Variants in CLU observed in about 807,000 individuals in gnomAD.
CLU encodes the protein clusterin, also known as aging-associated protein 4.
CLU carries 25 observed loss-of-function variants against 46.4 expected under a neutral mutation model. The observed-to-expected ratio is 0.54, with a 90% CI of 0.39 to 0.75. CLU has a LOEUF of 0.75. Ranked by LOEUF, CLU falls within the 30% of genes least tolerant of loss-of-function variation. The probability of loss-of-function intolerance (pLI) is 0.00; values close to 1 mark genes in which losing one functional copy is unlikely to be tolerated. For synonymous variants in CLU, 235 were observed against 235.1 expected, an observed-to-expected ratio of 1.00 and a Z score of 0.00; for missense variants, 504 against 592.1, an observed-to-expected ratio of 0.85 and a Z score of 1.54.
chr8:27,600,541 GA>G (rs1800700950), intron 6 of CLU, among the ~76,000 whole-genome samples: 1 of 152,166 alleles, frequency 6.6e-6, no homozygotes, highest in Non-Finnish European at 1.5e-5. Context: ...CCTTGCTCTG[GA>G]AAAATACGCC....
In CLU at chr8:27,606,435, C is replaced by T. The variant is rs370131630; in HGVS notation, c.336G>A (p.Glu112=). The change falls in exon 4 of 9, where the codon GAG becomes GAA. Residue 112 remains glutamate, a synonymous_variant. Transcript: ENST00000316403. ...AGGTCTGTTTCAGGCAGGGCTTACACTCTTCCCAGAGGGCCATCATGGTCT... is the reference window on the plus strand; with the variant it reads ...AGGTCTGTTTCAGGCAGGGCTTACATTCTTCCCAGAGGGCCATCATGGTCT... ...CNETMMALWE[E]CKPCLKQTCM... is the part of the protein sequence containing the mutation. The T allele has an allele frequency of 1.2e-6, 2 of 1,614,264 alleles. No homozygotes were observed. Among genetic ancestry groups the T allele is most frequent in the Non-Finnish European group, 1.7e-6 (2 of 1,180,052 alleles).
rs184413408 is a variant in CLU, at chr8:27,608,919, G to C, written c.246+19C>G. ...AGTGGGATGGTCAAGGCAGGGAGGC[G>C]GTAGCGGCTCCTCCTGACCTCTTTC... On this transcript the variant is annotated intron_variant, in intron 3 of 8. Transcript: ENST00000316403. 1 of 1,613,904 alleles carries C rather than the reference G, an allele frequency of 6.2e-7. No individual in the cohort carries two copies. The highest frequency in any genetic ancestry group is 1.7e-5 in the Admixed American group (1 of 60,012).
At chr8:27,607,973 CA>C (rs1221881824) in intron 3 of CLU, among the ~76,000 whole-genome samples, 1 of 152,122 alleles carries the variant, frequency 6.6e-6, no homozygotes, top group Non-Finnish European at 1.5e-5. Flanking sequence ...ATTATAAAAC[CA>C]GAATTGTTGA....
chr8:27,610,366 C>T (rs1164701067), intron 2 of CLU, 109 bp downstream of exon 2: 10 of 904,596 alleles, frequency 1.1e-5, no homozygotes, highest in South Asian at 4.0e-5. Flanking sequence ...AAGATAAAAA[C>T]GGTCTGTAAC....
Position 27,597,587 on chromosome 8 carries a change from G to A in CLU, c.*654C>T, listed in dbSNP as rs775270772. 34 of 454,054 alleles carry A rather than the reference G, an allele frequency of 7.5e-5. No individual in the cohort carries two copies. The highest frequency in any genetic ancestry group is 3.7e-4 in the South Asian group (24 of 64,470). 28.1% of individuals were successfully genotyped at this position (454,054 alleles called of 1,614,324 possible). A position where few individuals can be genotyped will look rare whatever the true frequency, so the allele number is the denominator to read the frequency against. On this transcript the variant is annotated 3_prime_UTR_variant, in exon 9 of 9. Transcript: ENST00000316403. ...TCTGGGCACCAAATGTTTTCATAAC[G>A]AAAACATCAATTATGCATTATAATA...
intron 5 of CLU, 140 bp downstream of exon 5, chr8:27,604,784 T>A: frequency 9.3e-7 from 1 of 1,080,736 alleles, no homozygotes; most frequent in East Asian, 2.4e-5. Flanking sequence ...CAGCTCAGTT[T>A]TTTTCCTCTT....
rs1451480307 is a variant in CLU, at chr8:27,599,524, C to T, written c.1164+256G>A. 1 of 513,676 alleles carries T rather than the reference C, an allele frequency of 1.9e-6. No homozygotes were observed. Among genetic ancestry groups the T allele is most frequent in the African/African-American group, 1.9e-5 (1 of 52,164 alleles). The allele number at this position is 513,676 out of a possible 1,614,324, so 31.8% of individuals were successfully genotyped here. On this transcript the variant is annotated intron_variant, in intron 7 of 8. Coordinates refer to ENST00000316403, the MANE Select transcript of CLU (RefSeq NM_001831.4). This position sits in a 1 kb window ranked among gnomAD's most constrained non-coding sequence, Gnocchi z 4.0. ...AATACAGGCTTGGCAGCCAGGCAGT[C>T]AGGTTCAAATACCCGTCCAAGTCAT...
chr8:27,603,135 A>G (rs1258411680), intron 6 of CLU, among the ~76,000 whole-genome samples: 3 of 152,368 alleles, frequency 2.0e-5, no homozygotes, highest in South Asian at 2.1e-4. Flanking sequence ...CCTGGGCAAC[A>G]GAGTAAAAAT....
intron 1 of CLU, chr8:27,611,658 C>T (rs925778752): frequency 4.4e-6 from 2 of 457,834 alleles, no homozygotes; most frequent in Non-Finnish European, 8.8e-6. Flanking sequence ...AAATGGTTCA[C>T]ATCCAAAGCC....
At chr8:27,609,584 A>G (rs1800885476) in intron 2 of CLU, among the ~76,000 whole-genome samples, 1 of 152,242 alleles carries the variant, frequency 6.6e-6, no homozygotes, top group East Asian at 1.9e-4. Context: ...AAATGCAGCG[A>G]AACACTGTGT....
intron 3 of CLU, among the ~76,000 whole-genome samples, chr8:27,607,198 G>A (rs1800837384): frequency 6.6e-6 from 1 of 152,116 alleles, no homozygotes; most frequent in Admixed American, 6.6e-5. Context: ...ATTAGCTGGT[G>A]TGGTGGTGCA....
chr8:27,609,366 T>A (rs1260134799), intron 2 of CLU, among the ~76,000 whole-genome samples: 1 of 149,520 alleles, frequency 6.7e-6, no homozygotes, highest in East Asian at 2.0e-4. Flanking sequence ...CCCTGGAGAA[T>A]GAGCTGGGTG....
intron 6 of CLU, among the ~76,000 whole-genome samples, chr8:27,601,465 A>G (rs527700197): frequency 6.6e-6 from 1 of 152,240 alleles, no homozygotes; most frequent in Non-Finnish European, 1.5e-5. Context: ...CTGCCCGCCC[A>G]TGGCTGGTCA....
chr8:27,611,640 C>T, intron 1 of CLU: 1 of 457,878 alleles, frequency 2.2e-6, no homozygotes, highest in Non-Finnish European at 4.4e-6. Flanking sequence ...ATGGGGTTCC[C>T]CTTCCTGAAA....
intron 3 of CLU, chr8:27,608,519 C>T: frequency 3.1e-6 from 1 of 317,680 alleles, no homozygotes; most frequent in Non-Finnish European, 6.0e-6. Context: ...TGAAGTAGTC[C>T]AGAACTCTAG....
In CLU at chr8:27,610,467, C is replaced by A. The variant is rs9331893; in HGVS notation, c.97+8G>T. 1.2e-6 allele frequency: 2 copies of A among 1,610,732 alleles called. No homozygotes were observed. The highest frequency in any genetic ancestry group is 2.7e-5 in the African/African-American group (2 of 74,774). ...TGGCCAGAGGAACATCATGCTTGGT[C>A]TACTCACCCTGGAGCTCATTGTCTG... On this transcript the variant is annotated splice_region_variant and intron_variant, in intron 2 of 8. Transcript: ENST00000316403.
rs555257417 is a variant in CLU at position 27,610,431 on chromosome 8, T to G, written c.97+44A>C. On this transcript the variant is annotated intron_variant, in intron 2 of 8. Coordinates refer to ENST00000316403, the MANE Select transcript of CLU (RefSeq NM_001831.4). Reference sequence around the variant, plus strand: ...GAATTAGCTACCCTGCCCTCTGACCTCATCACCCTGTGGCCAGAGGAACAT... The same window carrying G: ...GAATTAGCTACCCTGCCCTCTGACCGCATCACCCTGTGGCCAGAGGAACAT... 9 of 1,497,722 alleles carry G rather than the reference T, an allele frequency of 6.0e-6. No homozygotes were observed. The South Asian group carries it at 1.0e-4, about 17-fold the overall frequency. 92.8% of individuals were successfully genotyped at this position (1,497,722 alleles called of 1,614,324 possible). A position where few individuals can be genotyped will look rare whatever the true frequency, so the allele number is the denominator to read the frequency against.
chr8:27,609,970 G>T (rs955136322), intron 2 of CLU, among the ~76,000 whole-genome samples: 1 of 152,100 alleles, frequency 6.6e-6, no homozygotes, highest in African/African-American at 2.4e-5. Flanking sequence ...TCAATAAAAT[G>T]GGGGGTGGGG....
rs114163210 is a variant in CLU, at chr8:27,597,146, T to C, written c.*1095A>G. 7.9e-5 allele frequency: 36 copies of C among 454,150 alleles called. No individual in the cohort carries two copies. Among genetic ancestry groups the C allele is most frequent in the African/African-American group, 6.6e-4 (33 of 50,138 alleles). 28.1% of individuals were successfully genotyped at this position (454,150 alleles called of 1,614,324 possible). The stretch of plus-strand genomic sequence containing the variant: ...AACTTCAAAGAGAGACAAGGGACAG[T>C]GACTTAAGAATATTCTAAGCTATAA... On this transcript the variant is annotated 3_prime_UTR_variant, in exon 9 of 9. Transcript: ENST00000316403.
Sources: gnomAD v4.1 joint callset for allele counts (sites outside exome capture counted in the v4.1 genomes callset) on GRCh38, gnomAD v4.1.1 for gene constraint, Gnocchi (gnomAD v3.1) non-coding constraint, MANE v1.5 for transcripts, NCBI Gene and HGNC (gene_info 2026-07-23, HGNC 2026-07-21) for gene names.